Variants in FAR2 observed in about 807,000 individuals in gnomAD.
FAR2 encodes fatty acyl-CoA reductase 2, also known as epididymis secretory protein Li 81.
FAR2 carries 19 observed loss-of-function variants against 56.0 expected under a neutral mutation model. The observed-to-expected ratio is 0.34, with a 90% CI of 0.24 to 0.50. The LOEUF is 0.50. FAR2 is among the 20% of genes least tolerant of loss of function. FAR2 has a pLI of 0.98. For synonymous variants in FAR2, 219 were observed against 218.8 expected (o/e 1.00, Z -0.01); for missense variants, 508 against 642.2 (o/e 0.79, Z 2.26).
chr12:29,275,237 C>T (rs1479806173), intron 2 of FAR2, among the ~76,000 whole-genome samples: 1 of 151,804 alleles, frequency 6.6e-6, no homozygotes, highest in East Asian at 2.0e-4. Context: ...GGGTTGTTCT[C>T]TGGCAGGCAG....
intron 1 of FAR2, among the ~76,000 whole-genome samples, chr12:29,176,528 G>T (rs1285907846): frequency 6.6e-6 from 1 of 152,136 alleles, no homozygotes; most frequent in Non-Finnish European, 1.5e-5. Flanking sequence ...TGAGAAAATT[G>T]TTTATATTAA....
chr12:29,281,606 T>G (rs1948784357), intron 2 of FAR2: 1 of 152,162 alleles, frequency 6.6e-6, no homozygotes, highest in Non-Finnish European at 1.5e-5. Context: ...TTGCGGACTC[T>G]GGGGCTGTGG....
chr12:29,237,222 C>T (rs753077744), intron 1 of FAR2, among the ~76,000 whole-genome samples: 6 of 152,024 alleles, frequency 3.9e-5, no homozygotes, highest in Non-Finnish European at 7.4e-5. Flanking sequence ...AAGTGTGGTC[C>T]GCGGACTTTT....
In FAR2 at chr12:29,194,521, CCACA is replaced by C. The variant is rs3222956; in HGVS notation, c.-39+45150_-39+45153del. On this transcript the variant is annotated intron_variant, in intron 1 of 11. Transcript: ENST00000536681. The stretch of plus-strand genomic sequence containing the variant: ...GATTTAGGTTTCCAGGCTAGTGATG[CCACA>C]CACACACACACACACACACACACAC... 4.9e-3 allele frequency among the ~76,000 whole-genome samples: 689 copies of C among 140,826 alleles called. 3 individuals carry two copies. Among genetic ancestry groups the C allele is most frequent in the East Asian group, 0.019 (86 of 4,638 alleles). The allele number at this position is 140,826 out of a possible 152,430, so 92.4% of individuals were successfully genotyped here.
At chr12:29,215,085 A>G (rs1947606985) in intron 1 of FAR2, among the ~76,000 whole-genome samples, 1 of 152,172 alleles carries the variant, frequency 6.6e-6, no homozygotes, top group Non-Finnish European at 1.5e-5. Flanking sequence ...TGGCATGTTC[A>G]AGAATCAGAA....
At chr12:29,156,761 A>G (rs1370510118) in intron 1 of FAR2, 1 of 152,090 alleles carries the variant, frequency 6.6e-6, no homozygotes, top group Non-Finnish European at 1.5e-5. Context: ...CTACTGAATC[A>G]GAATCTTTGG....
chr12:29,236,266 C>T (rs748622638), intron 1 of FAR2, among the ~76,000 whole-genome samples: 32 of 152,028 alleles, frequency 2.1e-4, no homozygotes, highest in Non-Finnish European at 4.3e-4. Context: ...GAAACAGATG[C>T]GCTTTTGTTA....
intron 1 of FAR2, chr12:29,157,054 C>T (rs549810057): frequency 7.2e-6 from 1 of 139,198 alleles, no homozygotes; most frequent in South Asian, 2.3e-4. Flanking sequence ...CATCTTCATT[C>T]AATAGACATT....
At chr12:29,323,707 T>A in intron 10 of FAR2, among the ~76,000 whole-genome samples, 1 of 152,050 alleles carries the variant, frequency 6.6e-6, no homozygotes, top group East Asian at 1.9e-4. Flanking sequence ...GAAGGAAAAC[T>A]AACAAACAGA....
intron 6 of FAR2, 76 bp downstream of exon 6, chr12:29,309,306 G>A (rs1311480199): frequency 4.7e-6 from 5 of 1,055,178 alleles, no homozygotes; most frequent in Non-Finnish European, 5.7e-6. Context: ...TGCTGGCTTA[G>A]CTTCATTGAT....
At chr12:29,268,017 A>G (rs1591910988) in intron 1 of FAR2, among the ~76,000 whole-genome samples, 1 of 152,176 alleles carries the variant, frequency 6.6e-6, no homozygotes, top group African/African-American at 2.4e-5. Flanking sequence ...AGGTGCTGAA[A>G]AATTTTTTTA....
chr12:29,324,599 AT>A (rs1949612715), intron 10 of FAR2, among the ~76,000 whole-genome samples: 1 of 152,240 alleles, frequency 6.6e-6, no homozygotes, highest in Non-Finnish European at 1.5e-5. Context: ...GACATTCAAC[AT>A]TCTTAAAGAA....
chr12:29,300,895 G>A (rs1176930897), intron 4 of FAR2, among the ~76,000 whole-genome samples: 1 of 151,988 alleles, frequency 6.6e-6, no homozygotes, highest in Non-Finnish European at 1.5e-5. Flanking sequence ...TGCATTTTTG[G>A]CCCGGACCTT....
At position 29,281,742 on chromosome 12, in the gene FAR2, T is replaced by TA. The variant is rs71042976; in HGVS notation, c.189+11119dup. On this transcript the variant is annotated intron_variant, in intron 2 of 11. Transcript: ENST00000536681. ...TGTATACATTAGGCACAACATCACC[T>TA]AAAAAAAAAAAAAAACTGGAATGCA... is the stretch of plus-strand genomic sequence containing the variant. 8.6e-3 allele frequency among the ~76,000 whole-genome samples: 1,230 copies of TA among 143,412 alleles called. 17 individuals are homozygous for TA. The highest frequency in any genetic ancestry group is 0.023 in the African/African-American group (905 of 39,966). The allele number at this position is 143,412 out of a possible 152,430, so 94.1% of individuals were successfully genotyped here.
chr12:29,253,855 T>C (rs1948273266), intron 1 of FAR2, among the ~76,000 whole-genome samples: 1 of 152,244 alleles, frequency 6.6e-6, no homozygotes, highest in African/African-American at 2.4e-5. Context: ...CTTAACATAG[T>C]GTGTAGCACA....
At chr12:29,306,372 C>T (rs1322075744) in intron 4 of FAR2, among the ~76,000 whole-genome samples, 1 of 152,162 alleles carries the variant, frequency 6.6e-6, no homozygotes, top group Non-Finnish European at 1.5e-5. Context: ...CCATGTTCTA[C>T]CTCAGGATCA....
intron 1 of FAR2, among the ~76,000 whole-genome samples, chr12:29,166,477 G>A (rs530087700): frequency 2.8e-4 from 43 of 152,168 alleles, no homozygotes; most frequent in Admixed American, 2.6e-3. Context: ...TCTCCTCTTT[G>A]GCAATTTCCA....
At chr12:29,293,561 A>C in intron 3 of FAR2, 86 bp downstream of exon 3, 1 of 1,218,206 alleles carries the variant, frequency 8.2e-7, no homozygotes, top group South Asian at 2.6e-5. Context: ...AAAGAAATAC[A>C]CTCTAAACAA....
rs1949343208 is a variant in FAR2, at chr12:29,311,099, A to G, written c.840A>G (p.Thr280=). ...TGGCAGACGTAATTCCAGTTGATACAGTCGTCAATCTCATGCTAGCTGTAG... is the reference window on the plus strand; with the variant it reads ...TGGCAGACGTAATTCCAGTTGATACGGTCGTCAATCTCATGCTAGCTGTAG... ...MAVADVIPVD[T]VVNLMLAVGW... is the part of the protein sequence containing the mutation. The change falls in exon 7 of 12, where the codon ACA becomes ACG. Residue 280 remains threonine, a synonymous_variant. Transcript: ENST00000536681. 6.2e-7 allele frequency: 1 copy of G among 1,613,566 alleles called. No homozygotes were observed. Among genetic ancestry groups the G allele is most frequent in the Non-Finnish European group, 8.5e-7 (1 of 1,179,578 alleles).
Sources: allele counts gnomAD v4.1 joint callset (sites outside exome capture counted in the v4.1 genomes callset), GRCh38; gene constraint gnomAD v4.1.1; transcripts MANE v1.5; gene names NCBI Gene and HGNC (gene_info 2026-07-23, HGNC 2026-07-21).